The following TCF4 variants were observed in gnomAD, a reference collection of about 807,000 sequenced individuals.
The protein encoded by TCF4 is SL3-3 enhancer factor 2.
Under a neutral mutation model 82.1 loss-of-function variants are expected in TCF4, and 3 were observed. That is an observed-to-expected ratio of 0.04 (90% CI 0.02 to 0.09). The LOEUF (loss-of-function observed/expected upper bound fraction) is 0.09. Ranked by LOEUF, TCF4 falls within the 10% of genes least tolerant of loss-of-function variation. The pLI is 1.00. For synonymous variants in TCF4, 276 were observed against 309.6 expected, an observed-to-expected ratio of 0.89 and a Z score of 1.14; for missense variants, 518 against 852.7, an observed-to-expected ratio of 0.61 and a Z score of 4.89.
At chr18:55,549,280 GAC>G (rs2147105613) in intron 3 of TCF4, among the ~76,000 whole-genome samples, 1 of 151,998 alleles carries the variant, frequency 6.6e-6, no homozygotes, top group Admixed American at 6.6e-5. Flanking sequence ...CAGCCTGGGT[GAC>G]AGAGTGACCC....
In TCF4 at chr18:55,293,940, T is replaced by A. The variant is rs1173812169; in HGVS notation, c.550-14284A>T. On this transcript the variant is annotated intron_variant, in intron 8 of 19. Coordinates refer to ENST00000354452, the MANE Select transcript of TCF4 (RefSeq NM_001083962.2). The stretch of plus-strand genomic sequence containing the variant: ...CTAAACTTTCCAAGGACTTTTTTTT[T>A]TTTTTTTTTTTTTTTTTTTTTTTAG... Among the ~76,000 whole-genome samples, 3 of 98,442 alleles carry A rather than the reference T, an allele frequency of 3.0e-5. 1 individual carries two copies. Among genetic ancestry groups the A allele is most frequent in the African/African-American group, 2.1e-4 (3 of 14,510 alleles). 64.6% of individuals were successfully genotyped at this position (98,442 alleles called of 152,430 possible).
At chr18:55,609,571 C>T (rs190157258) in intron 2 of TCF4, among the ~76,000 whole-genome samples, 1 of 152,164 alleles carries the variant, frequency 6.6e-6, no homozygotes, top group East Asian at 1.9e-4. Flanking sequence ...GCTGTGAGCA[C>T]CAGAGTTGCA....
At chr18:55,613,892 C>A (rs1320303682) in intron 2 of TCF4, among the ~76,000 whole-genome samples, 1 of 152,148 alleles carries the variant, frequency 6.6e-6, no homozygotes, top group Non-Finnish European at 1.5e-5. Flanking sequence ...TATCCATTTA[C>A]CTGTTAATGG....
intron 2 of TCF4, among the ~76,000 whole-genome samples, chr18:55,621,931 AC>A (rs2097721008): frequency 6.4e-5 from 1 of 15,672 alleles, no homozygotes; most frequent in Non-Finnish European, 1.0e-4. Context: ...TACACTATAT[AC>A]TATATATACA....
intron 8 of TCF4, among the ~76,000 whole-genome samples, chr18:55,323,542 A>G (rs576282381): frequency 6.6e-6 from 1 of 152,340 alleles, no homozygotes; most frequent in African/African-American, 2.4e-5. Context: ...TTTATTCGGA[A>G]GGTCCCCAGA....
chr18:55,440,012 C>A (rs989395845), intron 5 of TCF4, among the ~76,000 whole-genome samples: 1 of 152,216 alleles, frequency 6.6e-6, no homozygotes, highest in African/African-American at 2.4e-5. Context: ...GCCTGTTAGC[C>A]TGATAGCTGG....
At chr18:55,344,284 A>G (rs1261727858) in intron 8 of TCF4, among the ~76,000 whole-genome samples, 1 of 152,206 alleles carries the variant, frequency 6.6e-6, no homozygotes, top group Non-Finnish European at 1.5e-5. Flanking sequence ...TTAAATTTTA[A>G]AAGTTAAAAA....
At chr18:55,567,574 G>A (rs1186755013) in intron 3 of TCF4, among the ~76,000 whole-genome samples, 1 of 152,134 alleles carries the variant, frequency 6.6e-6, no homozygotes, top group Non-Finnish European at 1.5e-5. Context: ...TTAGCTGGGT[G>A]TGTTGGCACA....
intron 8 of TCF4, among the ~76,000 whole-genome samples, chr18:55,298,565 G>C (rs941740938): frequency 6.6e-6 from 1 of 152,278 alleles, no homozygotes; most frequent in East Asian, 1.9e-4. Context: ...TTCAAACGTA[G>C]CTAATAGTGG....
chr18:55,249,289 C>T (rs1296665043), intron 15 of TCF4, among the ~76,000 whole-genome samples: 1 of 152,144 alleles, frequency 6.6e-6, no homozygotes, highest in Non-Finnish European at 1.5e-5. Context: ...TACCACTTTT[C>T]CTAAGGAATG....
chr18:55,338,378 G>A (rs558102470), intron 8 of TCF4, among the ~76,000 whole-genome samples: 1 of 152,176 alleles, frequency 6.6e-6, no homozygotes, highest in Non-Finnish European at 1.5e-5. Context: ...GGGACGGAGA[G>A]GCACTATCCG....
At chr18:55,366,772 A>G (rs1490961411) in intron 6 of TCF4, among the ~76,000 whole-genome samples, 1 of 151,974 alleles carries the variant, frequency 6.6e-6, no homozygotes, top group East Asian at 1.9e-4. Context: ...ATTTTACTTT[A>G]TTGTTTGCCA....
intron 6 of TCF4, among the ~76,000 whole-genome samples, chr18:55,360,038 G>A (rs1197929803): frequency 2.6e-5 from 4 of 152,212 alleles, no homozygotes; most frequent in Admixed American, 2.0e-4. Flanking sequence ...TGCAAGCCCT[G>A]CCCAGGAGAA....
intron 3 of TCF4, among the ~76,000 whole-genome samples, chr18:55,480,301 GGGGGC>G (rs2096397219): frequency 7.5e-6 from 1 of 133,828 alleles, no homozygotes; most frequent in African/African-American, 2.8e-5. Context: ...AAAAAAGCGG[GGGGGC>G]GGGGGGAGGA....
intron 5 of TCF4, among the ~76,000 whole-genome samples, chr18:55,442,558 A>G (rs990234368): frequency 5.3e-5 from 8 of 152,220 alleles, no homozygotes; most frequent in Admixed American, 2.0e-4. Context: ...CTCTTCTGAG[A>G]CATAGCATTG....
intron 3 of TCF4, chr18:55,510,599 T>C: frequency 6.6e-7 from 1 of 1,515,196 alleles, no homozygotes; most frequent in Non-Finnish European, 8.8e-7. Context: ...CTCTTCCATA[T>C]GAATAGGAAG....
intron 5 of TCF4, among the ~76,000 whole-genome samples, chr18:55,448,811 C>T (rs2095570616): frequency 6.6e-6 from 1 of 152,200 alleles, no homozygotes; most frequent in Non-Finnish European, 1.5e-5. Context: ...CTCAATTCCA[C>T]TCTTAAACTA....
At chr18:55,321,114 A>G (rs370440772) in intron 8 of TCF4, 1 of 154,944 alleles carries the variant, frequency 6.5e-6, no homozygotes, top group Admixed American at 6.4e-5. Context: ...TATATAATCT[A>G]CTCCTTAATT....
intron 3 of TCF4, among the ~76,000 whole-genome samples, chr18:55,531,900 T>C (rs17089876): frequency 0.092 from 13,961 of 152,266 alleles, 1,028 homozygotes; most frequent in East Asian, 0.43. Flanking sequence ...ATGGTGAATA[T>C]AATCTGGCAT....
Sources: gnomAD v4.1 joint callset for allele counts (sites outside exome capture counted in the v4.1 genomes callset) on GRCh38, gnomAD v4.1.1 for gene constraint, MANE v1.5 for transcripts, NCBI Gene and HGNC (gene_info 2026-07-23, HGNC 2026-07-21) for gene names.